Variants in HADHA observed in about 807,000 individuals in gnomAD.
HADHA encodes the protein hydroxyacyl-CoA dehydrogenase trifunctional multienzyme complex subunit alpha.
Under a neutral mutation model 91.3 loss-of-function variants are expected in HADHA, and 59 were observed. The ratio of observed to expected loss-of-function variants is 0.65; its 90% CI spans 0.52 to 0.80. The LOEUF is 0.80. Among genes scored for constraint, HADHA ranks in the 30% least tolerant of loss-of-function variants. The pLI, the probability that HADHA is intolerant of heterozygous loss-of-function variation, is 0.00. For synonymous variants in HADHA, 320 were observed against 338.9 expected, an observed-to-expected ratio of 0.94 and a Z score of 0.61; for missense variants, 800 against 927.6, an observed-to-expected ratio of 0.86 and a Z score of 1.79.
intron 10 of HADHA, 46 bp downstream of exon 10, chr2:26,212,524 G>A: frequency 8.2e-7 from 1 of 1,222,504 alleles, no homozygotes; most frequent in Non-Finnish European, 1.2e-6. Flanking sequence ...TGGATCTTTA[G>A]TTTTCCTTTA....
intron 13 of HADHA, among the ~76,000 whole-genome samples, chr2:26,199,729 T>C (rs1209865858): frequency 6.6e-6 from 1 of 152,190 alleles, no homozygotes; most frequent in Non-Finnish European, 1.5e-5. Context: ...ATTATTTATC[T>C]TTTTTTCTTC....
At chr2:26,209,474 T>C (rs1296751585) in intron 11 of HADHA, among the ~76,000 whole-genome samples, 1 of 152,128 alleles carries the variant, frequency 6.6e-6, no homozygotes, top group East Asian at 1.9e-4. Flanking sequence ...GAGATGATCA[T>C]TGAACAGTGC....
chr2:26,223,146 C>T (rs1034261034), intron 7 of HADHA, among the ~76,000 whole-genome samples: 83 of 152,296 alleles, frequency 5.4e-4, no homozygotes, highest in African/African-American at 1.7e-3. Context: ...AACAATGATT[C>T]TACTGAACTG....
rs866324765 is a variant in HADHA at position 26,209,930 on chromosome 2, G to T, written c.976-41C>A. 1.7e-4 allele frequency: 175 copies of T among 1,026,788 alleles called. 2 individuals carry two copies. Among genetic ancestry groups the T allele is most frequent in the South Asian group, 1.7e-3 (134 of 79,290 alleles). 63.6% of individuals were successfully genotyped at this position (1,026,788 alleles called of 1,614,324 possible). ...GAATGAGAAAAGGTAGAACTTCACA[G>T]TCTAGGTTATATGGATTCCTTCAGT... On this transcript the variant is annotated intron_variant, in intron 10 of 19. Coordinates refer to ENST00000380649, the MANE Select transcript of HADHA (RefSeq NM_000182.5).
intron 7 of HADHA, among the ~76,000 whole-genome samples, chr2:26,218,120 A>G (rs1182462391): frequency 6.6e-6 from 1 of 152,110 alleles, no homozygotes; most frequent in Non-Finnish European, 1.5e-5. Context: ...AGCCTGGCCA[A>G]CATGGAGAAA....
chr2:26,205,311 C>G (rs2147763314), intron 11 of HADHA, among the ~76,000 whole-genome samples: 1 of 152,294 alleles, frequency 6.6e-6, no homozygotes, highest in African/African-American at 2.4e-5. Context: ...TCATTCTTAA[C>G]CATTCTGATT....
intron 12 of HADHA, among the ~76,000 whole-genome samples, chr2:26,201,951 C>G (rs1392112181): frequency 7.2e-6 from 1 of 139,210 alleles, no homozygotes; most frequent in Non-Finnish European, 1.6e-5. Flanking sequence ...CCCACCACCA[C>G]GCCTGGCTAA....
chr2:26,203,946 G>T, intron 12 of HADHA, 116 bp downstream of exon 12: 1 of 1,021,848 alleles, frequency 9.8e-7, no homozygotes, highest in Non-Finnish European at 1.5e-6. Context: ...TCAGGAAAAA[G>T]GAATCCGTGA....
intron 1 of HADHA, among the ~76,000 whole-genome samples, chr2:26,241,516 T>G (rs1574629197): frequency 6.6e-6 from 1 of 151,248 alleles, no homozygotes; most frequent in Non-Finnish European, 1.5e-5. Flanking sequence ...CTGGGCGTGG[T>G]GGCAGGAGCC....
chr2:26,239,645 C>T (rs142379161), intron 1 of HADHA, among the ~76,000 whole-genome samples: 1 of 151,798 alleles, frequency 6.6e-6, no homozygotes, highest in South Asian at 2.1e-4. Flanking sequence ...TCTCTTTATC[C>T]CCCAGTTCCT....
chr2:26,226,825 C>G (rs1339283537), intron 7 of HADHA, among the ~76,000 whole-genome samples: 3 of 151,868 alleles, frequency 2.0e-5, no homozygotes, highest in African/African-American at 7.3e-5. Context: ...GATCACAGAC[C>G]AAAATGTAAG....
At chr2:26,220,977 T>C (rs940998973) in intron 7 of HADHA, among the ~76,000 whole-genome samples, 18 of 152,264 alleles carry the variant, frequency 1.2e-4, no homozygotes, top group Admixed American at 9.8e-4. Context: ...GGGCCTCCCA[T>C]GTTAGTGAAA....
Position 26,221,598 on chromosome 2 carries a change from A to G in HADHA, c.677-6423T>C, listed in dbSNP as rs1670376884. On this transcript the variant is annotated intron_variant, in intron 7 of 19. Transcript: ENST00000380649. The surrounding 1 kb of genome is among the most constrained non-coding windows in gnomAD (Gnocchi z 4.8). ...AACAGACCCTAAAGGCACAAGCTGC[A>G]TGAGGAAGTAGCCAAAATACCCCAC... Among the ~76,000 whole-genome samples the G allele has an allele frequency of 6.6e-6, 1 of 152,232 alleles. No individual in the cohort carries two copies. The highest frequency in any genetic ancestry group is 2.4e-5 in the African/African-American group (1 of 41,458).
intron 13 of HADHA, among the ~76,000 whole-genome samples, chr2:26,199,710 A>G (rs1158292916): frequency 6.6e-6 from 1 of 151,962 alleles, no homozygotes; most frequent in African/African-American, 2.4e-5. Flanking sequence ...CTCTTTTTTT[A>G]TTTTTTAAAT....
chr2:26,232,248 G>A lies in HADHA; in HGVS notation c.485C>T (p.Thr162Ile). ...VAISCQYRIA[T>I]KDRKTVLGTP... The stretch of plus-strand genomic sequence containing the variant: ...ACCTAATACTGTTTTTCTGTCTTTT[G>A]TTGCTATTCTGTATTGGCATGAAAT... Residue 162 changes from threonine (T) to isoleucine (I), a missense_variant, in exon 6 of 20, where the codon ACA becomes ATA. Coordinates refer to ENST00000380649, the MANE Select transcript of HADHA (RefSeq NM_000182.5). The A allele has an allele frequency of 3.1e-6, 5 of 1,601,800 alleles. No homozygotes were observed. Among genetic ancestry groups the A allele is most frequent in the Non-Finnish European group, 4.3e-6 (5 of 1,168,902 alleles).
At chr2:26,193,419 G>A (rs1669569814) in intron 17 of HADHA, among the ~76,000 whole-genome samples, 158 bp downstream of exon 17, 1 of 150,094 alleles carries the variant, frequency 6.7e-6, no homozygotes, top group Non-Finnish European at 1.5e-5. Flanking sequence ...GGTTGCTACC[G>A]CACCTGACTC....
Position 26,198,804 on chromosome 2 carries a change from C to T in HADHA, c.1393-1027G>A, listed in dbSNP as rs537811491. ...TGGCTAAACAACTATAATCCCAACA[C>T]TTCAGGAGGCCAAGGATGGAGGATT... On this transcript the variant is annotated intron_variant, in intron 13 of 19. Coordinates refer to ENST00000380649, the MANE Select transcript of HADHA (RefSeq NM_000182.5). Among the ~76,000 whole-genome samples, 3 of 152,088 alleles carry T rather than the reference C, an allele frequency of 2.0e-5. No individual in the cohort carries two copies. In the South Asian group the frequency reaches 6.2e-4, roughly 32 times the overall value.
At position 26,216,568 on chromosome 2, in the gene HADHA, A is replaced by G. The variant is rs192946243; in HGVS notation, c.677-1393T>C. On this transcript the variant is annotated intron_variant, in intron 7 of 19. Coordinates refer to ENST00000380649, the MANE Select transcript of HADHA (RefSeq NM_000182.5). ...ATTCCTGACCTCAAATGATCTGCCC[A>G]CCTCGGCCTCCCAAAGTGCTAGGAT... 2.1e-3 allele frequency among the ~76,000 whole-genome samples: 321 copies of G among 152,014 alleles called. 1 individual carries two copies. The highest frequency in any genetic ancestry group is 3.7e-3 in the Non-Finnish European group (253 of 67,968).
chr2:26,202,252 G>C (rs1393228077), intron 12 of HADHA, among the ~76,000 whole-genome samples: 1 of 152,144 alleles, frequency 6.6e-6, no homozygotes, highest in Non-Finnish European at 1.5e-5. Flanking sequence ...AAGGATTCCT[G>C]TTATTCAGAC....
Sources: allele counts gnomAD v4.1 joint callset (sites outside exome capture counted in the v4.1 genomes callset), GRCh38; gene constraint gnomAD v4.1.1; non-coding constraint Gnocchi (gnomAD v3.1); transcripts MANE v1.5; gene names NCBI Gene and HGNC (gene_info 2026-07-23, HGNC 2026-07-21).